The following DHX9 variants were observed in gnomAD, a reference collection of about 807,000 sequenced individuals.
DHX9 encodes ATP-dependent RNA helicase A.
A neutral mutation model predicts 148.7 loss-of-function variants in DHX9; 27 were observed. The observed-to-expected ratio is 0.18, with a 90% CI of 0.13 to 0.25. The LOEUF is 0.25. Among genes scored for constraint, DHX9 ranks in the 10% least tolerant of loss-of-function variants. The pLI, the probability that DHX9 is intolerant of heterozygous loss-of-function variation, is 1.00. For synonymous variants in DHX9, 529 were observed against 516.6 expected (o/e 1.02, Z -0.33); for missense variants, 796 against 1,559.6 (o/e 0.51, Z 8.25).
At chr1:182,885,951 T>C (rs1409281400) in intron 27 of DHX9, among the ~76,000 whole-genome samples, 1 of 152,184 alleles carries the variant, frequency 6.6e-6, no homozygotes, top group Non-Finnish European at 1.5e-5. Context: ...TCTGTTTCTA[T>C]GAAGGATAAC....
At position 182,866,569 on chromosome 1, in the gene DHX9, A is replaced by G. The variant is rs1158672781; in HGVS notation, c.1458A>G (p.Ile486Met). 3 of 1,614,014 alleles carry G rather than the reference A, an allele frequency of 1.9e-6. No homozygotes were observed. The highest frequency in any genetic ancestry group is 8.5e-7 in the Non-Finnish European group (1 of 1,179,942). ...ESILPRPHAS[I>M]MFCTVGVLLR... Reference sequence around the variant, plus strand: ...TACTTCCTCGTCCTCATGCCAGTATAATGTTTTGTACTGTAGGTCAGTAAT... The same window carrying G: ...TACTTCCTCGTCCTCATGCCAGTATGATGTTTTGTACTGTAGGTCAGTAAT... The change falls in exon 13 of 28, where the codon ATA becomes ATG. Residue 486 changes from isoleucine to methionine, a missense_variant. Physicochemically the swap from Ile to Met is conservative, Grantham distance 10. This residue lies in a region of DHX9 where 58 missense variants were observed against 122.8 expected (regional missense o/e 0.47). Transcript: ENST00000367549.
At chr1:182,871,204 A>G (rs780841933) in intron 14 of DHX9, among the ~76,000 whole-genome samples, 2 of 152,238 alleles carry the variant, frequency 1.3e-5, no homozygotes, top group Non-Finnish European at 2.9e-5. Context: ...AAGATAAGTA[A>G]ACAACTTAGT....
chr1:182,857,347 G>A (rs1668272070), intron 7 of DHX9, among the ~76,000 whole-genome samples: 1 of 152,176 alleles, frequency 6.6e-6, no homozygotes, highest in Non-Finnish European at 1.5e-5. Context: ...TACAGGAGGA[G>A]AGGAAACTTT....
At position 182,883,395 on chromosome 1, in the gene DHX9, T is replaced by C. The variant is rs765194444; in HGVS notation, c.3144+27T>C. 120 of 1,599,332 alleles carry C rather than the reference T, an allele frequency of 7.5e-5. No homozygotes were observed. In the Middle Eastern group the frequency reaches 8.3e-4, roughly 11 times the overall value. Reference sequence around the variant, plus strand: ...TAAGAAAAGACTAGAAAAGTTTACATTGAAAGTTGAAATTGTCTTTACAAT... The same window carrying C: ...TAAGAAAAGACTAGAAAAGTTTACACTGAAAGTTGAAATTGTCTTTACAAT... On this transcript the variant is annotated intron_variant, in intron 25 of 27. Transcript: ENST00000367549.
rs184493747 is a variant in DHX9 at position 182,843,181 on chromosome 1, A to G, written c.112-113A>G. On this transcript the variant is annotated intron_variant, in intron 2 of 27. Coordinates refer to ENST00000367549, the MANE Select transcript of DHX9 (RefSeq NM_001357.5). Reference sequence around the variant, plus strand: ...ATTTTTATATTTATATTTATAGAGTATATTTCCTAAAGTTAGCTGTTTGTT... The same window carrying G: ...ATTTTTATATTTATATTTATAGAGTGTATTTCCTAAAGTTAGCTGTTTGTT... The G allele has an allele frequency of 3.7e-5, 24 of 650,194 alleles. No homozygotes were observed. The South Asian group carries it at 5.4e-4, about 15-fold the overall frequency. The allele number at this position is 650,194 out of a possible 1,614,324, so 40.3% of individuals were successfully genotyped here.
chr1:182,879,472 C>G, intron 21 of DHX9, 62 bp downstream of exon 21: 1 of 1,329,568 alleles, frequency 7.5e-7, no homozygotes, highest in African/African-American at 1.5e-5. Context: ...CTTGTTCTGG[C>G]AGATAACACT....
At chr1:182,882,946 T>C (rs933110281) in intron 24 of DHX9, among the ~76,000 whole-genome samples, 193 bp from the exon 25 acceptor site, 1 of 152,210 alleles carries the variant, frequency 6.6e-6, no homozygotes, top group Non-Finnish European at 1.5e-5. Context: ...GTTTTCTTAT[T>C]GTGGAAACTC....
intron 3 of DHX9, among the ~76,000 whole-genome samples, chr1:182,845,620 C>T (rs1038709488): frequency 1.3e-5 from 2 of 152,124 alleles, no homozygotes; most frequent in Non-Finnish European, 2.9e-5. Context: ...GCGTCAGACT[C>T]CACAGGGTGA....
In DHX9 at chr1:182,872,308, T is replaced by C. The variant is rs752766446; in HGVS notation, c.1558-29T>C. 41 of 1,586,770 alleles carry C rather than the reference T, an allele frequency of 2.6e-5. No individual in the cohort carries two copies. The South Asian group carries it at 4.1e-4, about 16-fold the overall frequency. On this transcript the variant is annotated intron_variant, in intron 14 of 27. Coordinates refer to ENST00000367549, the MANE Select transcript of DHX9 (RefSeq NM_001357.5). ...CTTGTTATATAAACTTAATGTAATT[T>C]CAAAAATTTTGTGTTTGTTTTTTAA...
At chr1:182,880,427 A>G (rs1649035116) in intron 21 of DHX9, 70 bp from the exon 22 acceptor site, 2 of 1,013,634 alleles carry the variant, frequency 2.0e-6, no homozygotes, top group African/African-American at 1.6e-5. Flanking sequence ...ACCTTAATTT[A>G]GAGTAATGTT....
intron 27 of DHX9, 66 bp from the exon 28 acceptor site, chr1:182,887,017 A>C: frequency 6.9e-7 from 1 of 1,445,488 alleles, no homozygotes; most frequent in Non-Finnish European, 9.6e-7. Flanking sequence ...AAATGTGTAC[A>C]TTTGGTAAGT....
chr1:182,881,468 G>A lies in DHX9; in HGVS notation c.2786+43G>A, dbSNP rs1423766526. The stretch of plus-strand genomic sequence containing the variant: ...GTGAGCTGTCTGTAGTTTCTCATTT[G>A]TATTTAGTTCTCTGGTCTTAGAGAA... On this transcript the variant is annotated intron_variant, in intron 23 of 27. Coordinates refer to ENST00000367549, the MANE Select transcript of DHX9 (RefSeq NM_001357.5). 12 of 1,609,230 alleles carry A rather than the reference G, an allele frequency of 7.5e-6. No individual in the cohort carries two copies. In the African/African-American group the frequency reaches 1.1e-4, roughly 14 times the overall value.
intron 3 of DHX9, among the ~76,000 whole-genome samples, chr1:182,846,058 G>T (rs1210036924): frequency 6.6e-6 from 1 of 152,072 alleles, no homozygotes; most frequent in African/African-American, 2.4e-5. Flanking sequence ...AGGTGGGACC[G>T]AAAGTTTCAG....
intron 10 of DHX9, 43 bp from the exon 11 acceptor site, chr1:182,858,997 A>G (rs1475350275): frequency 1.2e-6 from 2 of 1,612,006 alleles, no homozygotes; most frequent in East Asian, 4.5e-5. Context: ...TTGAAGCTGA[A>G]TTATGTGCTT....
chr1:182,868,861 A>G (rs755626895), intron 14 of DHX9, among the ~76,000 whole-genome samples: 2 of 152,178 alleles, frequency 1.3e-5, no homozygotes, highest in Non-Finnish European at 2.9e-5. Flanking sequence ...GCTAAAGCAA[A>G]TAAGACTGGT....
At chr1:182,858,920 CAG>C (rs747961271) in intron 10 of DHX9, 26 bp downstream of exon 10, 2 of 1,612,942 alleles carry the variant, frequency 1.2e-6, no homozygotes, top group Non-Finnish European at 8.5e-7. Context: ...TTTTTGAGAT[CAG>C]AGTCTTGTGT....
chr1:182,878,375 T>G (rs1268702426), intron 20 of DHX9, among the ~76,000 whole-genome samples: 1 of 152,202 alleles, frequency 6.6e-6, no homozygotes, highest in Non-Finnish European at 1.5e-5. Flanking sequence ...GAGACCTAGA[T>G]TTTAATATTA....
intron 15 of DHX9, among the ~76,000 whole-genome samples, chr1:182,874,231 T>G (rs1648667811): frequency 6.6e-6 from 1 of 152,178 alleles, no homozygotes; most frequent in African/African-American, 2.4e-5. Flanking sequence ...AATGAGTAAC[T>G]TTACAGTGGA....
intron 3 of DHX9, among the ~76,000 whole-genome samples, chr1:182,851,044 A>G (rs576941377): frequency 1.3e-5 from 2 of 152,188 alleles, no homozygotes; most frequent in Non-Finnish European, 2.9e-5. Flanking sequence ...ACAAGTTAGC[A>G]TTGTGGTGCC....
Sources: allele counts gnomAD v4.1 joint callset (sites outside exome capture counted in the v4.1 genomes callset), GRCh38; gene constraint gnomAD v4.1.1; regional missense constraint gnomAD v4.1.1; transcripts MANE v1.5; gene names NCBI Gene and HGNC (gene_info 2026-07-23, HGNC 2026-07-21).